The following TBX3 variants were observed in gnomAD, a reference collection of about 807,000 sequenced individuals.
TBX3 encodes the protein T-box transcription factor 3.
In TBX3, 11 loss-of-function variants were observed where a neutral mutation model predicts 47.8. That is an observed-to-expected ratio of 0.23 (90% CI 0.14 to 0.38). The LOEUF (loss-of-function observed/expected upper bound fraction) is 0.38. TBX3 is among the 10% of genes least tolerant of loss of function. The pLI is 1.00. For missense variants in TBX3, 927 were observed against 1,022.8 expected, an observed-to-expected ratio of 0.91 and a Z score of 1.28; for synonymous variants, 500 against 449.3, an observed-to-expected ratio of 1.11 and a Z score of -1.43.
rs1264716771 is a variant in TBX3, at chr12:114,674,704, C to T, written c.1171G>A (p.Ala391Thr). The T allele has an allele frequency of 1.2e-6, 2 of 1,605,118 alleles. No homozygotes were observed. The highest frequency in any genetic ancestry group is 4.5e-5 in the East Asian group (2 of 44,750). The change falls in exon 6 of 7, where the codon GCG becomes ACG. Residue 391 changes from alanine (A) to threonine (T), a missense_variant. By Grantham distance (58) the Ala-to-Thr change is moderately conservative. Transcript: ENST00000349155. ...EEPCRDKGSP[A>T]VKAHLFAAER... ...GCAGCGAAAAGGTGAGCCTTGACCG[C>T]GGGGCTGCCCTTGTCACGGCAGGGC...
At position 114,672,251 on chromosome 12, in the gene TBX3, T is replaced by C. The variant is rs755321111; in HGVS notation, c.1762A>G (p.Met588Val). 1.6e-5 allele frequency: 25 copies of C among 1,576,336 alleles called. No individual in the cohort carries two copies. The Middle Eastern group carries it at 5.0e-4, about 31-fold the overall frequency. ...GSLFPYPYTY[M>V]AAAAAASSAA... ...GAGGAGGCGGCCGCCGCTGCGGCCATGTACGTGTAGGGGTAAGGGAACAGG... is the reference window on the plus strand; with the variant it reads ...GAGGAGGCGGCCGCCGCTGCGGCCACGTACGTGTAGGGGTAAGGGAACAGG... The change falls in exon 7 of 7, where the codon ATG becomes GTG. Residue 588 changes from methionine to valine, a missense_variant. Physicochemically the swap from Met to Val is conservative, Grantham distance 21. This residue lies in a region of TBX3 where 623 missense variants were observed against 569.0 expected (regional missense o/e 1.09). Transcript: ENST00000349155.
chr12:114,672,203 G>T lies in TBX3; in HGVS notation c.1810C>A (p.His604Asn), dbSNP rs771698419. The T allele has an allele frequency of 6.4e-7, 1 of 1,571,120 alleles. No homozygotes were observed. Among genetic ancestry groups the T allele is most frequent in the African/African-American group, 1.3e-5 (1 of 74,294 alleles). Residue 604 changes from histidine to asparagine, a missense_variant, in exon 7 of 7, where the codon CAC becomes AAC. Physicochemically the swap from His to Asn is moderately conservative, Grantham distance 68. Transcript: ENST00000349155. The stretch of plus-strand genomic sequence containing the variant: ...TTCAGATTGAGGAAGGGGTGGCGGT[G>T]CACCGAGCTGGAGGCTGCCGCAGAG... ...ASSAAASSSV[H>N]RHPFLNLNTM...
At chr12:114,680,505 A>T (rs1034296820) in intron 2 of TBX3, 14 of 346,166 alleles carry the variant, frequency 4.0e-5, no homozygotes, top group Non-Finnish European at 3.2e-5. Flanking sequence ...TGAGAAAATA[A>T]TATCACTGGT....
At chr12:114,676,243 C>T in intron 5 of TBX3, 70 bp downstream of exon 5, 1 of 1,601,370 alleles carries the variant, frequency 6.2e-7, no homozygotes, top group South Asian at 1.1e-5. Context: ...GGTTGGTGCC[C>T]CATCCCCCTT....
At chr12:114,680,840 G>T in intron 2 of TBX3, 39 bp downstream of exon 2, 1 of 1,613,950 alleles carries the variant, frequency 6.2e-7, no homozygotes, top group South Asian at 1.1e-5. Flanking sequence ...ACTGAGTGAA[G>T]GAGGAGAAAA....
At position 114,674,451 on chromosome 12, in the gene TBX3, T is replaced by C. The variant is rs970803830; in HGVS notation, c.1424A>G (p.Gln475Arg). ...GAAGCCGAGGCCAGGCAGGGGGCCCTGGGCCAGGTGCGCGGCGGCCGCGTC... is the reference window on the plus strand; with the variant it reads ...GAAGCCGAGGCCAGGCAGGGGGCCCCGGGCCAGGTGCGCGGCGGCCGCGTC... The part of the protein sequence containing the change: ...QTDAAAAHLA[Q>R]GPLPGLGFAP... The change falls in exon 6 of 7, where the codon CAG becomes CGG. Residue 475 changes from glutamine (Q) to arginine (R), a missense_variant. Gln to Arg is a conservative substitution (Grantham distance 43). Around this residue, in one of 5 missense-constraint regions of TBX3, gnomAD observed 623 missense variants for 569.0 expected, o/e 1.09. Coordinates refer to ENST00000349155, the MANE Select transcript of TBX3 (RefSeq NM_005996.4). The C allele has an allele frequency of 6.5e-7, 1 of 1,545,434 alleles. No individual in the cohort carries two copies. The highest frequency in any genetic ancestry group is 8.7e-7 in the Non-Finnish European group (1 of 1,144,878).
Position 114,680,454 on chromosome 12 carries a change from A to G in TBX3, c.657+425T>C, listed in dbSNP as rs576071433. On this transcript the variant is annotated intron_variant, in intron 2 of 6. Coordinates refer to ENST00000349155, the MANE Select transcript of TBX3 (RefSeq NM_005996.4). ...GAGTTTTTAAAAATGTATTCACACC[A>G]TTTAACCAACAGAGTCAAGGCTCCG... 339 of 312,786 alleles carry G rather than the reference A, an allele frequency of 1.1e-3. 3 individuals are homozygous for G. The highest frequency in any genetic ancestry group is 7.5e-4 in the Non-Finnish European group (124 of 165,540). The allele number at this position is 312,786 out of a possible 1,614,324, so 19.4% of individuals were successfully genotyped here.
At chr12:114,681,200 G>C in intron 1 of TBX3, 54 bp from the exon 2 acceptor site, 1 of 1,606,184 alleles carries the variant, frequency 6.2e-7, no homozygotes, top group South Asian at 1.1e-5. Context: ...CCGTAATCTT[G>C]GGTTTGATTT....
intron 4 of TBX3, 127 bp downstream of exon 4, chr12:114,677,453 G>T: frequency 1.1e-6 from 1 of 882,764 alleles, no homozygotes; most frequent in Non-Finnish European, 1.8e-6. Context: ...ATGTAGCAGT[G>T]GGGAAAGTGA....
rs140774817 is a variant in TBX3, at chr12:114,683,105, C to G, written c.96G>C (p.Ala32=). ...PHRAPDFAMS[A]VLGHQPPFFP... ...AGAACGGCGGCTGGTGACCCAGCACCGCGCTCATGGCGAAGTCCGGCGCCC... is the reference window on the plus strand; with the variant it reads ...AGAACGGCGGCTGGTGACCCAGCACGGCGCTCATGGCGAAGTCCGGCGCCC... The change falls in exon 1 of 7, where the codon GCG becomes GCC. Residue 32 remains alanine, a synonymous_variant. Coordinates refer to ENST00000349155, the MANE Select transcript of TBX3 (RefSeq NM_005996.4). The surrounding 1 kb of genome is among the most constrained non-coding windows in gnomAD (Gnocchi z 7.7). 1.9e-4 allele frequency: 299 copies of G among 1,612,300 alleles called. 1 individual carries two copies. Among genetic ancestry groups the G allele is most frequent in the Non-Finnish European group, 2.3e-4 (276 of 1,179,490 alleles).
Position 114,681,426 on chromosome 12 carries a change from TA to T in TBX3, c.390-281del, listed in dbSNP as rs59159218. Among the ~76,000 whole-genome samples the T allele has an allele frequency of 6.6e-3, 1,008 of 152,342 alleles. 11 individuals are homozygous for T. Among genetic ancestry groups the T allele is most frequent in the African/African-American group, 0.023 (953 of 41,582 alleles). On this transcript the variant is annotated intron_variant, in intron 1 of 6. Transcript: ENST00000349155. Reference sequence around the variant, plus strand: ...CTACATTGTCTAACAATTTCTTCAATATTTTTTTTGTCCTTGCTTGACTTTA... The same window carrying T: ...CTACATTGTCTAACAATTTCTTCAATTTTTTTTTGTCCTTGCTTGACTTTA...
chr12:114,676,229 C>T lies in TBX3; in HGVS notation c.1039+84G>A. ...GCTTCTAGCTTTTAAAGGGCAAGTGCCCTGGTTGGTGCCCCATCCCCCTTC... is the reference window on the plus strand; with the variant it reads ...GCTTCTAGCTTTTAAAGGGCAAGTGTCCTGGTTGGTGCCCCATCCCCCTTC... On this transcript the variant is annotated intron_variant, in intron 5 of 6. Coordinates refer to ENST00000349155, the MANE Select transcript of TBX3 (RefSeq NM_005996.4). The T allele has an allele frequency of 7.0e-6, 11 of 1,574,186 alleles. No individual in the cohort carries two copies. The South Asian group carries it at 1.2e-4, about 18-fold the overall frequency.
In TBX3 at chr12:114,674,699, G is replaced by T. The variant is rs764792199; in HGVS notation, c.1176C>A (p.Val392=). The T allele has an allele frequency of 9.3e-6, 15 of 1,605,860 alleles. No homozygotes were observed. In the African/African-American group the frequency reaches 1.5e-4, roughly 16 times the overall value. The change falls in exon 6 of 7, where the codon GTC becomes GTA. Residue 392 remains valine, a synonymous_variant. Transcript: ENST00000349155. Reference sequence around the variant, plus strand: ...GCTCAGCAGCGAAAAGGTGAGCCTTGACCGCGGGGCTGCCCTTGTCACGGC... The same window carrying T: ...GCTCAGCAGCGAAAAGGTGAGCCTTTACCGCGGGGCTGCCCTTGTCACGGC... ...EPCRDKGSPA[V]KAHLFAAERP...
rs186079955 is a variant in TBX3 at position 114,679,867 on chromosome 12, C to A, written c.658-216G>T. Reference sequence around the variant, plus strand: ...TCCTCAGTTGCCAAAGGGCCCCCCCCACCCTCACCATCTAAGGATCATTCA... The same window carrying A: ...TCCTCAGTTGCCAAAGGGCCCCCCCAACCCTCACCATCTAAGGATCATTCA... On this transcript the variant is annotated intron_variant, in intron 2 of 6. Transcript: ENST00000349155. The A allele has an allele frequency of 4.3e-4, 694 of 1,605,438 alleles. 3 individuals are homozygous for A. The African/African-American group carries it at 5.7e-3, about 13-fold the overall frequency.
Position 114,683,987 on chromosome 12 carries a change from T to C in TBX3, c.-787A>G, listed in dbSNP as rs1869074699. ...TCCTTGTCCTAAAACGTGAGCGAAT[T>C]CGCTTCCTAAATCTGTGTCCAGGCG... On this transcript the variant is annotated 5_prime_UTR_variant, in exon 1 of 7. Transcript: ENST00000349155. The surrounding 1 kb of genome is among the most constrained non-coding windows in gnomAD (Gnocchi z 7.7). 4.3e-6 allele frequency: 1 copy of C among 230,038 alleles called. No homozygotes were observed. Among genetic ancestry groups the C allele is most frequent in the Non-Finnish European group, 8.6e-6 (1 of 116,278 alleles). 14.2% of individuals were successfully genotyped at this position (230,038 alleles called of 1,614,324 possible). A position where few individuals can be genotyped will look rare whatever the true frequency, so the allele number is the denominator to read the frequency against.
At chr12:114,673,987 G>A (rs1284253075) in intron 6 of TBX3, among the ~76,000 whole-genome samples, 178 bp downstream of exon 6, 1 of 152,230 alleles carries the variant, frequency 6.6e-6, no homozygotes, top group Non-Finnish European at 1.5e-5. Context: ...TTTTTGGGGT[G>A]AATGGGGAGA....
rs924154861 is a variant in TBX3, at chr12:114,674,526, G to A, written c.1349C>T (p.Ala450Val). The stretch of plus-strand genomic sequence containing the variant: ...GGCCTCCTTGCCCGGGAGCGCGCGC[G>A]CCTCTTCCACCTTGGCCGGCGCTGT... ...EGTAPAKVEE[A>V]RALPGKEAFA... The change falls in exon 6 of 7, where the codon GCG (alanine) becomes GTG (valine). Residue 450 changes from alanine to valine, a missense_variant. Around this residue, in one of 5 missense-constraint regions of TBX3, gnomAD observed 623 missense variants for 569.0 expected, o/e 1.09. Transcript: ENST00000349155. 7.2e-6 allele frequency: 11 copies of A among 1,520,088 alleles called. No individual in the cohort carries two copies. The highest frequency in any genetic ancestry group is 6.5e-5 in the Admixed American group (3 of 46,150). The allele number at this position is 1,520,088 out of a possible 1,614,324, so 94.2% of individuals were successfully genotyped here.
At position 114,674,470 on chromosome 12, in the gene TBX3, C is replaced by A. The variant is rs746231917; in HGVS notation, c.1405G>T (p.Ala469Ser). ...GGGCCCTGGGCCAGGTGCGCGGCGG[C>A]CGCGTCCGTCTGCACCGTGAGCGGC... is the stretch of plus-strand genomic sequence containing the variant. ...FAPLTVQTDA[A>S]AAHLAQGPLP... Residue 469 changes from alanine (A) to serine (S), a missense_variant, in exon 6 of 7, where the codon GCC (alanine) becomes TCC (serine). Transcript: ENST00000349155. 6.5e-7 allele frequency: 1 copy of A among 1,540,468 alleles called. No individual in the cohort carries two copies. Among genetic ancestry groups the A allele is most frequent in the South Asian group, 1.2e-5 (1 of 83,220 alleles).
At chr12:114,679,753 TACC>T in intron 2 of TBX3, 102 bp from the exon 3 acceptor site, 1 of 1,574,722 alleles carries the variant, frequency 6.4e-7, no homozygotes, top group Non-Finnish European at 8.7e-7. Flanking sequence ...CACCGCAGGG[TACC>T]ACGCTTGTAC....
Sources: gnomAD v4.1 joint callset for allele counts (sites outside exome capture counted in the v4.1 genomes callset) on GRCh38, gnomAD v4.1.1 for gene constraint, gnomAD v4.1.1 regional missense constraint, Gnocchi (gnomAD v3.1) non-coding constraint, MANE v1.5 for transcripts, NCBI Gene and HGNC (gene_info 2026-07-23, HGNC 2026-07-21) for gene names.